The following RPH3AL variants were observed in gnomAD, a reference collection of about 807,000 sequenced individuals.
RPH3AL encodes the protein rab effector Noc2.
A neutral mutation model predicts 43.1 loss-of-function variants in RPH3AL; 38 were observed. The ratio of observed to expected loss-of-function variants is 0.88; its 90% confidence interval spans 0.68 to 1.15. The LOEUF is 1.15. RPH3AL is among the 50% of genes most tolerant of loss of function. The pLI is 0.00. For synonymous variants in RPH3AL, 189 were observed against 176.3 expected (o/e 1.07, Z -0.57); for missense variants, 462 against 423.2 (o/e 1.09, Z -0.81).
chr17:253,625 T>A (rs1360013991), intron 6 of RPH3AL, among the ~76,000 whole-genome samples: 1 of 152,066 alleles, frequency 6.6e-6, no homozygotes, highest in Non-Finnish European at 1.5e-5. Context: ...GCAATAGCTC[T>A]CCTCTGCCCT....
chr17:327,646 C>A, intron 2 of RPH3AL, 67 bp from the exon 3 acceptor site: 1 of 981,726 alleles, frequency 1.0e-6, no homozygotes, highest in Non-Finnish European at 1.6e-6. Context: ...CAGACAGGTT[C>A]TCTGTGCCCT....
At chr17:352,411 G>A (rs892013647) in intron 1 of RPH3AL, among the ~76,000 whole-genome samples, 7 of 152,166 alleles carry the variant, frequency 4.6e-5, no homozygotes, top group African/African-American at 1.2e-4. Flanking sequence ...AGGCACCAGC[G>A]GGGCATGAGG....
chr17:321,197 C>T (rs774954808), intron 4 of RPH3AL, 75 bp downstream of exon 4: 303 of 1,517,842 alleles, frequency 2.0e-4, no homozygotes, highest in Middle Eastern at 1.5e-3. Flanking sequence ...CCCGGAGTGC[C>T]GGCCTCCCAG....
rs537296870 is a variant in RPH3AL, at chr17:245,886, G to A, written c.613+1225C>T. Among the ~76,000 whole-genome samples, 17 of 152,268 alleles carry A rather than the reference G, an allele frequency of 1.1e-4. No homozygotes were observed. The East Asian group carries it at 1.2e-3, about 10-fold the overall frequency. On this transcript the variant is annotated intron_variant, in intron 7 of 9. Coordinates refer to ENST00000331302, the MANE Select transcript of RPH3AL (RefSeq NM_006987.4). This position sits in a 1 kb window ranked among gnomAD's most constrained non-coding sequence, Gnocchi z 5.9. ...CCACGGTCCCCACCAATGTCTGTCC[G>A]TGGCAGCGATGTCGGGGGTGAACTC...
intron 6 of RPH3AL, among the ~76,000 whole-genome samples, chr17:253,307 TG>T (rs2041958408): frequency 6.6e-6 from 1 of 152,078 alleles, no homozygotes; most frequent in South Asian, 2.1e-4. Context: ...CAGGGTGACT[TG>T]GCAATGTGGC....
At position 245,812 on chromosome 17, in the gene RPH3AL, C is replaced by T. The variant is rs1248529343; in HGVS notation, c.613+1299G>A. ...CAGTGTCCCAGCCAGGCCTGCACCC[C>T]CTCCTCCTGAGGGACTCCCCGCCTG... On this transcript the variant is annotated intron_variant, in intron 7 of 9. Coordinates refer to ENST00000331302, the MANE Select transcript of RPH3AL (RefSeq NM_006987.4). The surrounding 1 kb of genome is among the most constrained non-coding windows in gnomAD (Gnocchi z 5.9). Among the ~76,000 whole-genome samples, 1 of 152,272 alleles carries T rather than the reference C, an allele frequency of 6.6e-6. No individual in the cohort carries two copies. Among genetic ancestry groups the T allele is most frequent in the South Asian group, 2.1e-4 (1 of 4,824 alleles).
At chr17:279,502 T>C (rs1377812286) in intron 6 of RPH3AL, among the ~76,000 whole-genome samples, 1 of 152,226 alleles carries the variant, frequency 6.6e-6, no homozygotes, top group Non-Finnish European at 1.5e-5. Context: ...CGGACTTTTC[T>C]GGGCACTGGA....
chr17:346,527 T>G (rs989261584), intron 1 of RPH3AL, among the ~76,000 whole-genome samples: 1 of 133,516 alleles, frequency 7.5e-6, no homozygotes, highest in Non-Finnish European at 1.7e-5. Context: ...GTGAGACTTA[T>G]TCACTCTCAT....
intron 4 of RPH3AL, among the ~76,000 whole-genome samples, chr17:320,945 G>C (rs944465383): frequency 2.6e-5 from 4 of 152,148 alleles, no homozygotes; most frequent in African/African-American, 9.7e-5. Flanking sequence ...CCCTCCCTTG[G>C]CTGAACCACA....
chr17:319,404 C>T lies in RPH3AL; in HGVS notation c.351+16G>A. On this transcript the variant is annotated intron_variant, in intron 5 of 9. Coordinates refer to ENST00000331302, the MANE Select transcript of RPH3AL (RefSeq NM_006987.4). The stretch of plus-strand genomic sequence containing the variant: ...GGCTGGGAAGCCAGAATGACAGGGC[C>T]AGAGCAGGGTCTTACCTTCCTGCAG... 1 of 1,609,616 alleles carries T rather than the reference C, an allele frequency of 6.2e-7. No individual in the cohort carries two copies. Among genetic ancestry groups the T allele is most frequent in the South Asian group, 1.1e-5 (1 of 90,384 alleles).
Position 219,737 on chromosome 17 carries a change from C to A in RPH3AL, c.614-1G>T, listed in dbSNP as rs201320878. The stretch of plus-strand genomic sequence containing the variant: ...TCACTGTCACTGTCACTGGAAACCA[C>A]TGGAAGAGACAGACCACAGCACAGG... On this transcript the variant is annotated splice_acceptor_variant, in intron 7 of 9. Transcript: ENST00000331302. LOFTEE classifies it high-confidence loss of function. 70 of 1,609,276 alleles carry A rather than the reference C, an allele frequency of 4.3e-5. No individual in the cohort carries two copies. In the East Asian group the frequency reaches 1.5e-3, roughly 35 times the overall value.
At chr17:317,581 A>G (rs66984203) in intron 5 of RPH3AL, among the ~76,000 whole-genome samples, 22,623 of 151,978 alleles carry the variant, frequency 0.15, 2,032 homozygotes, top group African/African-American at 0.25. Context: ...GGCCTTGGCA[A>G]GGCTGAAGGA....
chr17:293,578 T>C (rs1227010144), intron 5 of RPH3AL, among the ~76,000 whole-genome samples: 2 of 152,116 alleles, frequency 1.3e-5, no homozygotes, highest in Admixed American at 6.5e-5. Flanking sequence ...TCTGCATCTT[T>C]TCCGGCAGGA....
At chr17:247,324 A>G (rs1227292388) in intron 6 of RPH3AL, 39 bp from the exon 7 acceptor site, 1 of 1,516,438 alleles carries the variant, frequency 6.6e-7, no homozygotes, top group Non-Finnish European at 8.8e-7. Flanking sequence ...CACAGGACGC[A>G]GAGGAGCCTC....
chr17:278,866 G>A (rs1567609434), intron 6 of RPH3AL, among the ~76,000 whole-genome samples: 1 of 152,138 alleles, frequency 6.6e-6, no homozygotes, highest in Non-Finnish European at 1.5e-5. Context: ...CCTGGTGAAA[G>A]GGCATAACAC....
At chr17:303,083 G>C (rs2043370063) in intron 5 of RPH3AL, among the ~76,000 whole-genome samples, 1 of 152,322 alleles carries the variant, frequency 6.6e-6, no homozygotes, top group East Asian at 1.9e-4. Context: ...AAAGTCTGAG[G>C]TTTACAAAGT....
chr17:245,301 ATG>A lies in RPH3AL; in HGVS notation c.613+1808_613+1809del, dbSNP rs939581470. On this transcript the variant is annotated intron_variant, in intron 7 of 9. Transcript: ENST00000331302. The surrounding 1 kb of genome is among the most constrained non-coding windows in gnomAD (Gnocchi z 5.9). ...TGTGTGTACGTGGGTGTGTGTGTGG[ATG>A]TGTGTGTGGATGTGGATGTCAGTGT... is the stretch of plus-strand genomic sequence containing the variant. 4.9e-5 allele frequency among the ~76,000 whole-genome samples: 6 copies of A among 122,496 alleles called. No homozygotes were observed. The highest frequency in any genetic ancestry group is 7.0e-5 in the Non-Finnish European group (4 of 57,300). 80.4% of individuals were successfully genotyped at this position (122,496 alleles called of 152,430 possible). A position where few individuals can be genotyped will look rare whatever the true frequency, so the allele number is the denominator to read the frequency against.
At chr17:343,760 TA>T (rs2151732536) in intron 1 of RPH3AL, among the ~76,000 whole-genome samples, 1 of 152,266 alleles carries the variant, frequency 6.6e-6, no homozygotes, top group Non-Finnish European at 1.5e-5. Flanking sequence ...GGAATGCTGC[TA>T]AACATCCCTG....
chr17:276,230 T>C (rs2042652153), intron 6 of RPH3AL, among the ~76,000 whole-genome samples: 1 of 152,264 alleles, frequency 6.6e-6, no homozygotes, highest in Non-Finnish European at 1.5e-5. Context: ...GACTAAAATA[T>C]AGTTCAACCG....
Sources: allele counts gnomAD v4.1 joint callset (sites outside exome capture counted in the v4.1 genomes callset), GRCh38; gene constraint gnomAD v4.1.1; non-coding constraint Gnocchi (gnomAD v3.1); transcripts MANE v1.5; gene names NCBI Gene and HGNC (gene_info 2026-07-23, HGNC 2026-07-21).